The following TECPR2 variants were observed in gnomAD, a reference collection of about 807,000 sequenced individuals.
TECPR2 encodes the protein tectonin beta-propeller repeat containing 2.
A neutral mutation model predicts 138.1 loss-of-function variants in TECPR2; 65 were observed. The observed-to-expected ratio is 0.47, with a 90% confidence interval of 0.39 to 0.58. The LOEUF is 0.58. TECPR2 is among the 20% of genes least tolerant of loss of function. TECPR2 has a pLI of 0.00. For missense variants in TECPR2, 1,553 were observed against 1,824.5 expected, an observed-to-expected ratio of 0.85 and a Z score of 2.71; for synonymous variants, 746 against 749.8, an observed-to-expected ratio of 0.99 and a Z score of 0.08.
chr14:102,366,460 C>T (rs1244424609), intron 1 of TECPR2, among the ~76,000 whole-genome samples: 1 of 152,182 alleles, frequency 6.6e-6, no homozygotes, highest in Admixed American at 6.5e-5. Context: ...GATTCTCCTG[C>T]CTCAGCCTCC....
At chr14:102,485,608 G>GA (rs1467748708) in intron 17 of TECPR2, among the ~76,000 whole-genome samples, 2 of 152,086 alleles carry the variant, frequency 1.3e-5, no homozygotes, top group Non-Finnish European at 2.9e-5. Flanking sequence ...AACAACTTAT[G>GA]ACCCAGTAGT....
chr14:102,442,949 G>A (rs1460530107), intron 11 of TECPR2, among the ~76,000 whole-genome samples: 1 of 152,256 alleles, frequency 6.6e-6, no homozygotes, highest in Non-Finnish European at 1.5e-5. Flanking sequence ...AGGGAGCCAG[G>A]GACCCTGAGC....
At chr14:102,473,333 G>A (rs1298518303) in intron 17 of TECPR2, among the ~76,000 whole-genome samples, 3 of 152,264 alleles carry the variant, frequency 2.0e-5, no homozygotes, top group Admixed American at 2.0e-4. Flanking sequence ...ATGAGCCCAG[G>A]AGTGAGGGGA....
chr14:102,440,540 G>C lies in TECPR2; in HGVS notation c.2683G>C (p.Val895Leu), dbSNP rs764000123. ...CTGGTACGAAGCCCTGCCCCAGGCA[G>C]TGTTTGTGGCCCTGAGCGATGACAC... ...RHWYEALPQA[V>L]FVALSDDTAW... Residue 895 changes from valine (V) to leucine (L), a missense_variant, in exon 11 of 20, where the codon GTG becomes CTG. Transcript: ENST00000359520. 1 of 1,614,216 alleles carries C rather than the reference G, an allele frequency of 6.2e-7. No individual in the cohort carries two copies. The highest frequency in any genetic ancestry group is 8.5e-7 in the Non-Finnish European group (1 of 1,180,040).
At chr14:102,444,195 CTTTTT>C (rs111476747) in intron 12 of TECPR2, among the ~76,000 whole-genome samples, 1 of 138,722 alleles carries the variant, frequency 7.2e-6, no homozygotes. Context: ...TGAACTGTAG[CTTTTT>C]TTTTTTTTTT....
intron 17 of TECPR2, among the ~76,000 whole-genome samples, chr14:102,488,544 A>G (rs1595149647): frequency 2.0e-5 from 3 of 151,524 alleles, no homozygotes; most frequent in South Asian, 2.1e-4. Flanking sequence ...AGGTCTCTCC[A>G]TATTGGTCAG....
chr14:102,430,756 C>T (rs1889449690), intron 7 of TECPR2, among the ~76,000 whole-genome samples: 1 of 152,222 alleles, frequency 6.6e-6, no homozygotes, highest in South Asian at 2.1e-4. Flanking sequence ...TGTTCTCACT[C>T]TGCGGTCTAC....
intron 17 of TECPR2, among the ~76,000 whole-genome samples, chr14:102,469,121 A>G (rs1023925521): frequency 6.6e-6 from 1 of 151,874 alleles, no homozygotes; most frequent in Non-Finnish European, 1.5e-5. Context: ...AAGTATGTCA[A>G]TTTCTGCAAA....
chr14:102,425,306 G>A lies in TECPR2; in HGVS notation c.951+15G>A, dbSNP rs12587242. 3.2e-6 allele frequency: 5 copies of A among 1,562,978 alleles called. No homozygotes were observed. The highest frequency in any genetic ancestry group is 3.5e-6 in the Non-Finnish European group (4 of 1,153,354). On this transcript the variant is annotated intron_variant, in intron 6 of 19. Coordinates refer to ENST00000359520, the MANE Select transcript of TECPR2 (RefSeq NM_014844.5). ...CAGTCAACCAGGTAAGTGAAGGGACGCCACCATATCTTCTGTGTCTATAGG... is the reference window on the plus strand; with the variant it reads ...CAGTCAACCAGGTAAGTGAAGGGACACCACCATATCTTCTGTGTCTATAGG...
intron 17 of TECPR2, among the ~76,000 whole-genome samples, chr14:102,496,300 G>C (rs369906966): frequency 6.6e-6 from 1 of 152,214 alleles, no homozygotes; most frequent in Non-Finnish European, 1.5e-5. Context: ...TGCTGTGCTC[G>C]CGGGCATGGA....
At chr14:102,417,874 G>T (rs1889071221) in intron 5 of TECPR2, among the ~76,000 whole-genome samples, 2 of 150,560 alleles carry the variant, frequency 1.3e-5, no homozygotes, top group South Asian at 4.2e-4. Context: ...GGAGCCGTGG[G>T]GAGGCTGGCA....
At chr14:102,410,475 A>T (rs1224573228) in intron 4 of TECPR2, among the ~76,000 whole-genome samples, 2 of 147,660 alleles carry the variant, frequency 1.4e-5, no homozygotes, top group East Asian at 1.9e-4. Context: ...TAAATTAAAA[A>T]AAAAAATAAA....
At chr14:102,448,493 GAGT>G (rs1890048587) in intron 13 of TECPR2, among the ~76,000 whole-genome samples, 1 of 152,190 alleles carries the variant, frequency 6.6e-6, no homozygotes, top group Non-Finnish European at 1.5e-5. Context: ...GCTAGGGTTA[GAGT>G]CTAGATACCC....
chr14:102,442,543 T>C (rs774956165), intron 11 of TECPR2, among the ~76,000 whole-genome samples: 5 of 152,226 alleles, frequency 3.3e-5, no homozygotes, highest in Non-Finnish European at 7.3e-5. Context: ...GAGGTGCTTC[T>C]GGCCTGGGGG....
intron 7 of TECPR2, among the ~76,000 whole-genome samples, chr14:102,430,013 C>G (rs958404404): frequency 2.0e-5 from 3 of 152,078 alleles, no homozygotes; most frequent in Admixed American, 1.3e-4. Context: ...GTATCCCAGG[C>G]TAGAGTGCAG....
intron 5 of TECPR2, among the ~76,000 whole-genome samples, chr14:102,418,642 G>A (rs1029062571): frequency 6.6e-6 from 1 of 152,202 alleles, no homozygotes; most frequent in Non-Finnish European, 1.5e-5. Flanking sequence ...GTCCAGTGCT[G>A]TGGTCAGTCA....
intron 17 of TECPR2, among the ~76,000 whole-genome samples, chr14:102,482,448 C>G (rs574640464): frequency 1.9e-4 from 29 of 152,346 alleles, no homozygotes; most frequent in African/African-American, 6.7e-4. Context: ...CTCTCCATTT[C>G]TTCCCCCTGC....
chr14:102,393,563 A>C (rs1888235881), intron 2 of TECPR2, among the ~76,000 whole-genome samples: 1 of 151,930 alleles, frequency 6.6e-6, no homozygotes, highest in South Asian at 2.1e-4. Flanking sequence ...TCATTTATTT[A>C]TTTATTTATT....
At chr14:102,408,703 C>A in intron 4 of TECPR2, 84 bp downstream of exon 4, 3 of 1,350,910 alleles carry the variant, frequency 2.2e-6, no homozygotes, top group Non-Finnish European at 3.0e-6. Context: ...TTTTAGTCAA[C>A]TTGTATTCTT....
Sources: allele counts gnomAD v4.1 joint callset (sites outside exome capture counted in the v4.1 genomes callset), GRCh38; gene constraint gnomAD v4.1.1; transcripts MANE v1.5; gene names NCBI Gene and HGNC (gene_info 2026-07-23, HGNC 2026-07-21).